Variants in ITGB8 observed in about 807,000 individuals in gnomAD.
ITGB8 encodes integrin subunit beta 8, also known as integrin beta-8.
Under a neutral mutation model 89.5 loss-of-function variants are expected in ITGB8, and 30 were observed. The ratio of observed to expected loss-of-function variants is 0.34; its 90% CI spans 0.25 to 0.45. The LOEUF (loss-of-function observed/expected upper bound fraction) is 0.45. Among genes scored for constraint, ITGB8 ranks in the 20% least tolerant of loss-of-function variants. The probability of loss-of-function intolerance (pLI) is 1.00; values close to 1 mark genes in which losing one functional copy is unlikely to be tolerated. For missense variants in ITGB8, 836 were observed against 933.3 expected, an observed-to-expected ratio of 0.90 and a Z score of 1.36; for synonymous variants, 335 against 320.4, an observed-to-expected ratio of 1.05 and a Z score of -0.49.
At chr7:20,365,008 A>C (rs1785638832) in intron 2 of ITGB8, 1 of 152,204 alleles carries the variant, frequency 6.6e-6, no homozygotes, top group African/African-American at 2.4e-5. Flanking sequence ...CCTTCAAAAG[A>C]TAGTACAGAA....
At chr7:20,376,903 T>C (rs1786171864) in intron 3 of ITGB8, among the ~76,000 whole-genome samples, 1 of 152,210 alleles carries the variant, frequency 6.6e-6, no homozygotes, top group Admixed American at 6.5e-5. Context: ...AAGGCCAGAA[T>C]TTATAGAATC....
chr7:20,347,355 A>G (rs1784961599), intron 1 of ITGB8, among the ~76,000 whole-genome samples: 1 of 152,176 alleles, frequency 6.6e-6, no homozygotes, highest in African/African-American at 2.4e-5. Flanking sequence ...AACTGGCAAC[A>G]ATGTATGTGG....
rs889991975 is a variant in ITGB8, at chr7:20,331,202, C to G, written c.-605C>G. ...AGGACGCTGCCGACTTGTCTTTGCC[C>G]GCTGCTCCGCAGACGGGGCTGCAAA... On this transcript the variant is annotated 5_prime_UTR_variant, in exon 1 of 14. Transcript: ENST00000222573. 30 of 191,838 alleles carry G rather than the reference C, an allele frequency of 1.6e-4. 1 individual carries two copies. In the East Asian group the frequency reaches 3.5e-3, roughly 22 times the overall value. The allele number at this position is 191,838 out of a possible 1,614,324, so 11.9% of individuals were successfully genotyped here. A position where few individuals can be genotyped will look rare whatever the true frequency, so the allele number is the denominator to read the frequency against.
At chr7:20,374,139 T>G (rs1029312929) in intron 3 of ITGB8, among the ~76,000 whole-genome samples, 1 of 152,158 alleles carries the variant, frequency 6.6e-6, no homozygotes, top group African/African-American at 2.4e-5. Flanking sequence ...GCAGGAAGAT[T>G]TGGGAGCCAG....
At chr7:20,376,815 C>A (rs6959923) in intron 3 of ITGB8, among the ~76,000 whole-genome samples, 4 of 152,116 alleles carry the variant, frequency 2.6e-5, no homozygotes, top group Non-Finnish European at 5.9e-5. Context: ...TACTAAAAGG[C>A]CTGTGTATGG....
intron 6 of ITGB8, among the ~76,000 whole-genome samples, chr7:20,385,242 C>T (rs537363671): frequency 6.6e-6 from 1 of 152,288 alleles, no homozygotes; most frequent in South Asian, 2.1e-4. Flanking sequence ...ATCCAATGAA[C>T]CTTATCAATG....
chr7:20,379,207 G>T lies in ITGB8; in HGVS notation c.545G>T (p.Arg182Leu). 1 of 1,611,624 alleles carries T rather than the reference G, an allele frequency of 6.2e-7. No individual in the cohort carries two copies. The highest frequency in any genetic ancestry group is 8.5e-7 in the Non-Finnish European group (1 of 1,178,648). ...DLSRKMAFFSRDFRLGFGSYV... is the reference protein window; with the variant it reads ...DLSRKMAFFSLDFRLGFGSYV... Reference sequence around the variant, plus strand: ...TCTAGAAAAATGGCATTTTTCTCCCGTGACTTTCGTCTTGGATTTGGCTCA... The same window carrying T: ...TCTAGAAAAATGGCATTTTTCTCCCTTGACTTTCGTCTTGGATTTGGCTCA... Residue 182 changes from arginine (R) to leucine (L), a missense_variant, in exon 4 of 14, where the codon CGT (arginine) becomes CTT (leucine). By Grantham distance (102) the Arg-to-Leu change is moderately radical. Around this residue, in one of 5 missense-constraint regions of ITGB8, gnomAD observed 38 missense variants for 52.2 expected, o/e 0.73. Coordinates refer to ENST00000222573, the MANE Select transcript of ITGB8 (RefSeq NM_002214.3).
chr7:20,333,620 T>C (rs1334719999), intron 1 of ITGB8, among the ~76,000 whole-genome samples: 1 of 152,202 alleles, frequency 6.6e-6, no homozygotes, highest in African/African-American at 2.4e-5. Context: ...AGTCAGGCTC[T>C]TGTGAAAAAG....
At chr7:20,335,208 A>G (rs1414989767) in intron 1 of ITGB8, among the ~76,000 whole-genome samples, 1 of 152,222 alleles carries the variant, frequency 6.6e-6, no homozygotes, top group African/African-American at 2.4e-5. Flanking sequence ...TAAAGCATGA[A>G]TTTTTTTAAA....
At chr7:20,343,154 T>C (rs1317298020) in intron 1 of ITGB8, among the ~76,000 whole-genome samples, 1 of 152,184 alleles carries the variant, frequency 6.6e-6, no homozygotes, top group Non-Finnish European at 1.5e-5. Flanking sequence ...TTTCAAAGTT[T>C]AGAAATGGGA....
intron 1 of ITGB8, among the ~76,000 whole-genome samples, chr7:20,349,493 A>G (rs1279139785): frequency 6.6e-6 from 1 of 152,098 alleles, no homozygotes; most frequent in Admixed American, 6.5e-5. Context: ...AGAGTTGGCA[A>G]GAAATTGCAA....
intron 1 of ITGB8, among the ~76,000 whole-genome samples, chr7:20,358,590 A>G (rs138632542): frequency 6.6e-6 from 1 of 152,122 alleles, no homozygotes; most frequent in South Asian, 2.1e-4. Flanking sequence ...TTTAGTAGAG[A>G]CAGGGTTTCA....
At chr7:20,371,545 G>A (rs1167376949) in intron 3 of ITGB8, among the ~76,000 whole-genome samples, 1 of 152,020 alleles carries the variant, frequency 6.6e-6, no homozygotes, top group Non-Finnish European at 1.5e-5. Flanking sequence ...AAAAGTATAA[G>A]ATCCATTGTG....
chr7:20,372,868 A>G (rs1176976766), intron 3 of ITGB8, among the ~76,000 whole-genome samples: 1 of 152,168 alleles, frequency 6.6e-6, no homozygotes, highest in Non-Finnish European at 1.5e-5. Flanking sequence ...TTAAACTGAA[A>G]ATATGTTCTT....
At chr7:20,395,566 G>C (rs562374584) in intron 8 of ITGB8, among the ~76,000 whole-genome samples, 71 of 152,294 alleles carry the variant, frequency 4.7e-4, no homozygotes, top group African/African-American at 1.6e-3. Context: ...AAGAGTGAAT[G>C]CCTCAATGCA....
intron 3 of ITGB8, among the ~76,000 whole-genome samples, chr7:20,369,435 A>G (rs1269520936): frequency 3.9e-5 from 6 of 152,162 alleles, no homozygotes; most frequent in Non-Finnish European, 8.8e-5. Context: ...GAAAGTGATC[A>G]AGAGAGAGAA....
intron 1 of ITGB8, among the ~76,000 whole-genome samples, chr7:20,357,295 T>TA (rs1220657825): frequency 5.9e-5 from 9 of 152,188 alleles, no homozygotes; most frequent in African/African-American, 2.2e-4. Context: ...ATCTTTTTTT[T>TA]ACTAAATAAA....
intron 1 of ITGB8, among the ~76,000 whole-genome samples, chr7:20,360,101 G>A (rs372214012): frequency 7.2e-5 from 11 of 152,114 alleles, no homozygotes; most frequent in Admixed American, 5.9e-4. Context: ...GGTCATCATC[G>A]TTAGGTGTCT....
rs377149985 is a variant in ITGB8 at position 20,331,837 on chromosome 7, G to T, written c.31G>T (p.Ala11Ser). The T allele has an allele frequency of 1.9e-6, 3 of 1,613,410 alleles. No homozygotes were observed. Among genetic ancestry groups the T allele is most frequent in the Non-Finnish European group, 2.5e-6 (3 of 1,180,012 alleles). The change falls in exon 1 of 14, where the codon GCT (alanine) becomes TCT (serine). Residue 11 changes from alanine (A) to serine (S), a missense_variant. Ala to Ser is a moderately conservative substitution (Grantham distance 99, BLOSUM62 1). Transcript: ENST00000222573. MCGSALAFFT[A>S]AFVCLQNDRR... Reference sequence around the variant, plus strand: ...CGGCTCGGCCCTGGCTTTTTTTACCGCTGCATTTGTCTGCCTGCAAAACGA... The same window carrying T: ...CGGCTCGGCCCTGGCTTTTTTTACCTCTGCATTTGTCTGCCTGCAAAACGA...
Sources: allele counts gnomAD v4.1 joint callset (sites outside exome capture counted in the v4.1 genomes callset), GRCh38; gene constraint gnomAD v4.1.1; regional missense constraint gnomAD v4.1.1; transcripts MANE v1.5; gene names NCBI Gene and HGNC (gene_info 2026-07-23, HGNC 2026-07-21).